Variants in GCSAML observed in about 807,000 individuals in gnomAD.
The protein encoded by GCSAML is germinal center-associated signaling and motility-like protein.
Under a neutral mutation model 13.0 loss-of-function variants are expected in GCSAML, and 9 were observed. The ratio of observed to expected loss-of-function variants is 0.69; its 90% CI spans 0.42 to 1.21. GCSAML has a LOEUF of 1.21. GCSAML is among the 50% of genes most tolerant of loss of function. The pLI is 0.00. For missense variants in GCSAML, 143 were observed against 153.4 expected, an observed-to-expected ratio of 0.93 and a Z score of 0.36; for synonymous variants, 37 against 52.9, an observed-to-expected ratio of 0.70 and a Z score of 1.31.
intron 1 of GCSAML, among the ~76,000 whole-genome samples, chr1:247,517,584 C>A (rs1159787592): frequency 6.6e-6 from 1 of 151,986 alleles, no homozygotes; most frequent in African/African-American, 2.4e-5. Flanking sequence ...TAACAAAAAG[C>A]TTGTTTAAAA....
intron 2 of GCSAML, among the ~76,000 whole-genome samples, chr1:247,540,676 A>T (rs1667384292): frequency 6.6e-6 from 1 of 152,194 alleles, no homozygotes; most frequent in Non-Finnish European, 1.5e-5. Context: ...GGCAGTGACC[A>T]CTGTGGGGAT....
intron 1 of GCSAML, among the ~76,000 whole-genome samples, chr1:247,555,940 T>C (rs144689886): frequency 6.6e-6 from 1 of 152,360 alleles, no homozygotes; most frequent in Non-Finnish European, 1.5e-5. Flanking sequence ...CAATGTCTTA[T>C]CTGCACATGG....
rs1484768433 is a variant in GCSAML, at chr1:247,522,268, C to T, written c.-262-4672C>T. ...AGGGAGGTGGGGGGCAGCCCCCACC[C>T]GGCTAGCCGCCCTGTCCGGGAGGGA... is the stretch of plus-strand genomic sequence containing the variant. On this transcript the variant is annotated intron_variant, in intron 1 of 5. Coordinates refer to the GCSAML transcript ENST00000366489. Among the ~76,000 whole-genome samples the T allele has an allele frequency of 8.8e-3, 888 of 100,830 alleles. 50 individuals are homozygous for T. Among genetic ancestry groups the T allele is most frequent in the African/African-American group, 0.031 (847 of 27,540 alleles). 66.1% of individuals were successfully genotyped at this position (100,830 alleles called of 152,430 possible). A position where few individuals can be genotyped will look rare whatever the true frequency, so the allele number is the denominator to read the frequency against.
intron 4 of GCSAML, among the ~76,000 whole-genome samples, chr1:247,571,667 G>C (rs1668618446): frequency 6.6e-6 from 1 of 152,136 alleles, no homozygotes; most frequent in African/African-American, 2.4e-5. Context: ...TGAATCTGAT[G>C]ATTATGTGTC....
intron 2 of GCSAML, among the ~76,000 whole-genome samples, chr1:247,539,568 T>A (rs1486550820): frequency 2.0e-5 from 3 of 152,162 alleles, no homozygotes; most frequent in Admixed American, 1.3e-4. Flanking sequence ...TATGAAAATC[T>A]TAAAATAAAC....
At chr1:247,513,035 C>G (rs147900618) in intron 1 of GCSAML, among the ~76,000 whole-genome samples, 4 of 152,154 alleles carry the variant, frequency 2.6e-5, no homozygotes, top group African/African-American at 9.6e-5. Flanking sequence ...AGAGCTTGAG[C>G]GCTGTGTTGG....
chr1:247,565,227 A>G (rs961895567), intron 3 of GCSAML, among the ~76,000 whole-genome samples: 5 of 152,124 alleles, frequency 3.3e-5, no homozygotes, highest in Admixed American at 1.3e-4. Context: ...GCATGGTGGC[A>G]TGTGCCTGTA....
intron 2 of GCSAML, among the ~76,000 whole-genome samples, chr1:247,540,387 A>G (rs1418226918): frequency 6.6e-6 from 1 of 151,958 alleles, no homozygotes; most frequent in Non-Finnish European, 1.5e-5. Context: ...CTTAACCTTC[A>G]CCTCAGAGGC....
intron 1 of GCSAML, among the ~76,000 whole-genome samples, chr1:247,522,916 T>TA (rs36008669): frequency 0.024 from 3,215 of 132,014 alleles, 120 homozygotes; most frequent in African/African-American, 0.085. Flanking sequence ...CAATAAATAC[T>TA]AAAAAAAAAA....
At chr1:247,519,616 T>C (rs1358780195) in intron 1 of GCSAML, among the ~76,000 whole-genome samples, 1 of 152,246 alleles carries the variant, frequency 6.6e-6, no homozygotes, top group Non-Finnish European at 1.5e-5. Flanking sequence ...CGGCAAACAT[T>C]CGTTATTCTA....
chr1:247,570,416 T>C (rs539370234), intron 4 of GCSAML, among the ~76,000 whole-genome samples: 187 of 152,320 alleles, frequency 1.2e-3, no homozygotes, highest in Middle Eastern at 3.4e-3. Context: ...GTCTTTGTTC[T>C]CATTGGTTTC....
upstream of GCSAML, among the ~76,000 whole-genome samples, chr1:247,544,814 G>A (rs192704927): frequency 9.9e-5 from 15 of 152,212 alleles, no homozygotes; most frequent in Non-Finnish European, 1.8e-4. Context: ...AAGATCACAC[G>A]CTGCACTCCA....
chr1:247,557,059 T>TA (rs920516433), intron 2 of GCSAML, among the ~76,000 whole-genome samples: 5 of 151,886 alleles, frequency 3.3e-5, no homozygotes, highest in Admixed American at 2.0e-4. Flanking sequence ...ACTGCACAAT[T>TA]AAAAAAAAAT....
At chr1:247,533,251 G>A (rs561913707) in intron 2 of GCSAML, among the ~76,000 whole-genome samples, 73 of 152,184 alleles carry the variant, frequency 4.8e-4, no homozygotes, top group Non-Finnish European at 9.3e-4. Flanking sequence ...TCAAAAAAGT[G>A]TTGGGGCTCA....
intron 1 of GCSAML, among the ~76,000 whole-genome samples, chr1:247,510,371 TTG>T (rs140298372): frequency 0.024 from 3,691 of 152,268 alleles, 150 homozygotes; most frequent in African/African-American, 0.083. Context: ...TCATTTTTTA[TTG>T]TGTCTATTTG....
intron 3 of GCSAML, 150 bp from the exon 4 acceptor site, chr1:247,565,781 C>T (rs1668326725): frequency 4.9e-6 from 3 of 617,170 alleles, no homozygotes; most frequent in South Asian, 2.1e-5. Flanking sequence ...TAAGATGGGG[C>T]AATGTCATGT....
chr1:247,508,893 T>G (rs114367188), intron 1 of GCSAML, among the ~76,000 whole-genome samples: 2,345 of 152,320 alleles, frequency 0.015, 56 homozygotes, highest in African/African-American at 0.051. Flanking sequence ...CATGCTATTT[T>G]GGTTACTGTA....
intron 4 of GCSAML, among the ~76,000 whole-genome samples, chr1:247,568,997 G>T (rs1237497902): frequency 2.1e-5 from 2 of 96,516 alleles, no homozygotes; most frequent in Non-Finnish European, 4.7e-5. Flanking sequence ...CTCATGATTT[G>T]GCTCTCTTTG....
intron 2 of GCSAML, among the ~76,000 whole-genome samples, chr1:247,534,097 T>C (rs1667120375): frequency 6.6e-6 from 1 of 152,176 alleles, no homozygotes; most frequent in Admixed American, 6.5e-5. Context: ...TATATAATAT[T>C]GAAAACCCTC....
Sources: gnomAD v4.1 joint callset for allele counts (sites outside exome capture counted in the v4.1 genomes callset) on GRCh38, gnomAD v4.1.1 for gene constraint, MANE v1.5 for transcripts, NCBI Gene and HGNC (gene_info 2026-07-23, HGNC 2026-07-21) for gene names.